RPS27: variants seen among roughly 807,000 people sequenced by gnomAD.
RPS27 encodes ribosomal protein S27, also known as small ribosomal subunit protein eS27.
RPS27 carries 1 observed loss-of-function variant against 11.8 expected under a neutral mutation model. The observed-to-expected ratio is 0.08, with a 90% CI of 0.03 to 0.40. The LOEUF is 0.40. RPS27 is among the 10% of genes least tolerant of loss of function. The pLI, the probability that RPS27 is intolerant of heterozygous loss-of-function variation, is 0.98. For synonymous variants in RPS27, 42 were observed against 33.8 expected, an observed-to-expected ratio of 1.24 and a Z score of -0.84; for missense variants, 44 against 100.1, an observed-to-expected ratio of 0.44 and a Z score of 2.39.
chr1:153,991,035 G>A, intron 1 of RPS27, 80 bp from the exon 2 acceptor site: 1 of 1,228,480 alleles, frequency 8.1e-7, no homozygotes, highest in Non-Finnish European at 1.1e-6. Context: ...GCTCTCCCCG[G>A]TGTGTGACAG....
rs1205754629 is a variant in RPS27 at position 153,991,796 on chromosome 1, A to G, written c.226+120A>G. 8.4e-6 allele frequency: 6 copies of G among 716,076 alleles called. No individual in the cohort carries two copies. In the East Asian group the frequency reaches 1.1e-4, roughly 13 times the overall value. The allele number at this position is 716,076 out of a possible 1,614,324, so 44.4% of individuals were successfully genotyped here. On this transcript the variant is annotated intron_variant, in intron 3 of 3. Transcript: ENST00000651669. ...TCATCTATAATGTAAATTTTTAGAC[A>G]AGAAGTGTTGGATTTGGTTGTTTTA...
chr1:153,991,092 C>G, intron 1 of RPS27, 23 bp from the exon 2 acceptor site: 1 of 1,522,686 alleles, frequency 6.6e-7, no homozygotes, highest in Non-Finnish European at 8.9e-7. Flanking sequence ...GTTTCTAAAT[C>G]TCTGCATTTC....
intron 2 of RPS27, 103 bp from the exon 3 acceptor site, chr1:153,991,463 G>GT (rs1376756866): frequency 1.3e-5 from 18 of 1,356,874 alleles, no homozygotes; most frequent in African/African-American, 2.9e-5. Flanking sequence ...CAACCCCTAC[G>GT]TTTTTTTGTG....
chr1:153,991,272 T>C, intron 2 of RPS27, 49 bp downstream of exon 2: 1 of 1,564,470 alleles, frequency 6.4e-7, no homozygotes. Flanking sequence ...CCTCAACAGT[T>C]GGAAAATGTT....
At position 153,991,694 on chromosome 1, in the gene RPS27, G is replaced by A. The variant is rs375509510; in HGVS notation, c.226+18G>A. 3 of 1,472,044 alleles carry A rather than the reference G, an allele frequency of 2.0e-6. No homozygotes were observed. Among genetic ancestry groups the A allele is most frequent in the Non-Finnish European group, 2.8e-6 (3 of 1,058,422 alleles). The allele number at this position is 1,472,044 out of a possible 1,614,324, so 91.2% of individuals were successfully genotyped here. Reference sequence around the variant, plus strand: ...TACAGAAGGTAAATGGTTTACTAATGTGATTTGGGGCTTTGAGTTTGATTT... The same window carrying A: ...TACAGAAGGTAAATGGTTTACTAATATGATTTGGGGCTTTGAGTTTGATTT... On this transcript the variant is annotated intron_variant, in intron 3 of 3. Coordinates refer to ENST00000651669, the MANE Select transcript of RPS27 (RefSeq NM_001030.6).
intron 3 of RPS27, 122 bp downstream of exon 3, chr1:153,991,798 G>C: frequency 1.4e-6 from 1 of 708,114 alleles, no homozygotes; most frequent in Non-Finnish European, 2.4e-6. Context: ...TTTTAGACAA[G>C]AAGTGTTGGA....
chr1:153,991,060 G>C lies in RPS27; in HGVS notation c.7-55G>C, dbSNP rs1649367680. 4.3e-6 allele frequency: 6 copies of C among 1,399,940 alleles called. No individual in the cohort carries two copies. The South Asian group carries it at 5.3e-5, about 12-fold the overall frequency. 86.7% of individuals were successfully genotyped at this position (1,399,940 alleles called of 1,614,324 possible). The stretch of plus-strand genomic sequence containing the variant: ...GTGTGTGACAGTGGGGGCTATTTTC[G>C]ACCATCCCATTTTCGCTGTTGGTTT... On this transcript the variant is annotated intron_variant, in intron 1 of 3. Coordinates refer to ENST00000651669, the MANE Select transcript of RPS27 (RefSeq NM_001030.6).
At chr1:153,991,469 TTG>T in intron 2 of RPS27, 95 bp from the exon 3 acceptor site, 1 of 1,363,760 alleles carries the variant, frequency 7.3e-7, no homozygotes, top group Non-Finnish European at 1.0e-6. Flanking sequence ...CTACGTTTTT[TTG>T]TGTTGGGAAA....
At chr1:153,991,405 TAGG>T in intron 2 of RPS27, 158 bp from the exon 3 acceptor site, 1 of 1,453,170 alleles carries the variant, frequency 6.9e-7, no homozygotes, top group African/African-American at 1.4e-5. Context: ...TTTTGCATCT[TAGG>T]AGGAGTGATT....
intron 1 of RPS27, 29 bp downstream of exon 1, chr1:153,990,831 A>C: frequency 6.2e-7 from 1 of 1,614,136 alleles, no homozygotes; most frequent in Non-Finnish European, 8.5e-7. Context: ...GTTTCGGCGG[A>C]GATCTCGCTG....
intron 3 of RPS27, 36 bp from the exon 4 acceptor site, chr1:153,992,029 C>T (rs751199800): frequency 6.2e-7 from 1 of 1,605,116 alleles, no homozygotes; most frequent in Non-Finnish European, 8.5e-7. Flanking sequence ...AATACCTGTA[C>T]TGATGACAGC....
chr1:153,991,411 G>A lies in RPS27; in HGVS notation c.116-155G>A, dbSNP rs927958471. The A allele has an allele frequency of 3.5e-6, 5 of 1,439,982 alleles. No individual in the cohort carries two copies. In the African/African-American group the frequency reaches 4.3e-5, roughly 12 times the overall value. The allele number at this position is 1,439,982 out of a possible 1,614,324, so 89.2% of individuals were successfully genotyped here. On this transcript the variant is annotated intron_variant, in intron 2 of 3. Coordinates refer to ENST00000651669, the MANE Select transcript of RPS27 (RefSeq NM_001030.6). Reference sequence around the variant, plus strand: ...CTGGCAAAGTTTTGCATCTTAGGAGGAGTGATTCATTTCACCGTGATCTCT... The same window carrying A: ...CTGGCAAAGTTTTGCATCTTAGGAGAAGTGATTCATTTCACCGTGATCTCT...
chr1:153,991,743 G>C, intron 3 of RPS27, 67 bp downstream of exon 3: 2 of 1,076,794 alleles, frequency 1.9e-6, no homozygotes, highest in Non-Finnish European at 2.8e-6. Flanking sequence ...CATTTCTTAG[G>C]ATTTTTCGGT....
chr1:153,991,110 C>G lies in RPS27; in HGVS notation c.7-5C>G. 6.4e-7 allele frequency: 1 copy of G among 1,571,964 alleles called. No individual in the cohort carries two copies. The highest frequency in any genetic ancestry group is 8.6e-7 in the Non-Finnish European group (1 of 1,156,964). ...TCTAAATCTCTGCATTTCTGTCCCT[C>G]TTAGCTCGCAAAGGATCTCCTTCAT... On this transcript the variant is annotated splice_region_variant and splice_polypyrimidine_tract_variant and intron_variant, in intron 1 of 3. Coordinates refer to ENST00000651669, the MANE Select transcript of RPS27 (RefSeq NM_001030.6).
intron 3 of RPS27, 84 bp downstream of exon 3, chr1:153,991,760 A>G (rs1649423296): frequency 1.1e-6 from 1 of 874,572 alleles, no homozygotes. Flanking sequence ...CGGTCTTAAC[A>G]GTGACAGGGA....
At position 153,990,864 on chromosome 1, in the gene RPS27, C is replaced by T. The variant is rs1373114689; in HGVS notation, c.6+62C>T. Reference sequence around the variant, plus strand: ...CTGTTCTGTCCGAACTCTCCCCTCACGCTGATTTCGGATCGTAGAGGGTCC... The same window carrying T: ...CTGTTCTGTCCGAACTCTCCCCTCATGCTGATTTCGGATCGTAGAGGGTCC... On this transcript the variant is annotated intron_variant, in intron 1 of 3. Coordinates refer to ENST00000651669, the MANE Select transcript of RPS27 (RefSeq NM_001030.6). 8 of 1,606,362 alleles carry T rather than the reference C, an allele frequency of 5.0e-6. No individual in the cohort carries two copies. In the African/African-American group the frequency reaches 6.7e-5, roughly 13 times the overall value.
chr1:153,991,920 C>CAA lies in RPS27; in HGVS notation c.227-144_227-143insAA, dbSNP rs34521811. The CAA allele has an allele frequency of 0.55, 439,560 of 801,250 alleles. 127,006 individuals are homozygous for CAA. The highest frequency in any genetic ancestry group is 0.96 in the East Asian group (39,557 of 41,076). The allele number at this position is 801,250 out of a possible 1,614,324, so 49.6% of individuals were successfully genotyped here. A position where few individuals can be genotyped will look rare whatever the true frequency, so the allele number is the denominator to read the frequency against. On this transcript the variant is annotated intron_variant, in intron 3 of 3. Transcript: ENST00000651669. ...AGGGCTTAAGTTGATAGGAAGTAAC[C>CAA]AGTGATACAAATGCGCAGGTAGCTA...
At chr1:153,990,868 G>A (rs924073982) in intron 1 of RPS27, 66 bp downstream of exon 1, 1 of 1,606,836 alleles carries the variant, frequency 6.2e-7, no homozygotes, top group African/African-American at 1.3e-5. Context: ...CCCTCACGCT[G>A]ATTTCGGATC....
chr1:153,991,495 G>A (rs1649403729), intron 2 of RPS27, 71 bp from the exon 3 acceptor site: 2 of 1,366,594 alleles, frequency 1.5e-6, no homozygotes, highest in East Asian at 4.6e-5. Context: ...TGTAATGGAT[G>A]ATGAGTTGGG....
Sources: gnomAD v4.1 joint callset for allele counts on GRCh38, gnomAD v4.1.1 for gene constraint, MANE v1.5 for transcripts, NCBI Gene and HGNC (gene_info 2026-07-23, HGNC 2026-07-21) for gene names.